The following MID2 variants were observed in gnomAD, a reference collection of about 807,000 sequenced individuals.
MID2 encodes the protein midline 2.
A neutral mutation model predicts 46.1 loss-of-function variants in MID2; 13 were observed. The ratio of observed to expected loss-of-function variants is 0.28; its 90% confidence interval spans 0.18 to 0.45. MID2 has a LOEUF of 0.45. MID2 is among the 20% of genes least tolerant of loss of function. The probability of loss-of-function intolerance (pLI) is 1.00; values close to 1 mark genes in which losing one functional copy is unlikely to be tolerated. For synonymous variants in MID2, 199 were observed against 212.3 expected, an observed-to-expected ratio of 0.94 and a Z score of 0.55; for missense variants, 431 against 575.4, an observed-to-expected ratio of 0.75 and a Z score of 2.57.
intron 2 of MID2, among the ~76,000 whole-genome samples, chrX:107,849,227 A>G (rs1242718485): frequency 8.9e-6 from 1 of 112,035 alleles, no homozygotes; most frequent in Non-Finnish European, 1.9e-5. Context: ...TTTCAATAGA[A>G]CTAATACAGA....
intron 3 of MID2, among the ~76,000 whole-genome samples, chrX:107,889,932 C>T (rs1293410269): frequency 1.8e-5 from 2 of 112,130 alleles, no homozygotes; most frequent in South Asian, 3.7e-4. Context: ...CTTGTGCATT[C>T]ATCACATAGT....
At chrX:107,859,871 A>G (rs1283735369) in intron 3 of MID2, among the ~76,000 whole-genome samples, 1 of 112,127 alleles carries the variant, frequency 8.9e-6, no homozygotes, top group African/African-American at 3.2e-5. Context: ...AAGACATGAG[A>G]TTGCAAGAGG....
intron 3 of MID2, among the ~76,000 whole-genome samples, chrX:107,858,709 G>C (rs1480985974): frequency 8.9e-6 from 1 of 112,444 alleles, no homozygotes. Context: ...AATGAATGTA[G>C]TATAGCCCTT....
intron 3 of MID2, among the ~76,000 whole-genome samples, chrX:107,876,573 T>C (rs1421981383): frequency 9.0e-6 from 1 of 111,047 alleles, no homozygotes; most frequent in Non-Finnish European, 1.9e-5. Context: ...CATCTCAATA[T>C]TGGGATCCTA....
In MID2 at chrX:107,897,356, T is replaced by C. The variant is rs1269353532; in HGVS notation, c.817-6602T>C. Among the ~76,000 whole-genome samples, 2 of 111,382 alleles carry C rather than the reference T, an allele frequency of 1.8e-5. 1 individual carries two copies. Among genetic ancestry groups the C allele is most frequent in the Admixed American group, 1.9e-4 (2 of 10,430 alleles). Reference sequence around the variant, plus strand: ...TAGATTCCTTAACTATGTCTCAGTATTTTTTTTGCTTGCTAAACTGTAGTT... The same window carrying C: ...TAGATTCCTTAACTATGTCTCAGTACTTTTTTTGCTTGCTAAACTGTAGTT... On this transcript the variant is annotated intron_variant, in intron 3 of 9. Coordinates refer to ENST00000262843, the MANE Select transcript of MID2 (RefSeq NM_012216.4).
intron 4 of MID2, among the ~76,000 whole-genome samples, chrX:107,904,444 A>G (rs1932819581): frequency 9.0e-6 from 1 of 111,728 alleles, no homozygotes; most frequent in African/African-American, 3.3e-5. Context: ...CTTAATCTGA[A>G]AAGTGTTGGG....
intron 5 of MID2, among the ~76,000 whole-genome samples, chrX:107,907,709 G>A (rs982022278): frequency 8.1e-5 from 9 of 111,182 alleles, no homozygotes; most frequent in Admixed American, 7.6e-4. Context: ...AGCAAACTTC[G>A]CGAAAGACTT....
chrX:107,910,989 G>C (rs966703751), intron 5 of MID2, among the ~76,000 whole-genome samples: 1 of 102,381 alleles, frequency 9.8e-6, no homozygotes, highest in African/African-American at 3.6e-5. Flanking sequence ...TGGTAGCTGG[G>C]ACTACAGGCT....
chrX:107,842,041 A>G (rs1162602261), intron 2 of MID2, among the ~76,000 whole-genome samples: 3 of 112,936 alleles, frequency 2.7e-5, no homozygotes, highest in Admixed American at 9.3e-5. Context: ...AAACTTCAGT[A>G]TACCACGAAA....
chrX:107,914,714 A>G (rs1932941668), intron 5 of MID2, among the ~76,000 whole-genome samples: 1 of 112,455 alleles, frequency 8.9e-6, no homozygotes, highest in Non-Finnish European at 1.9e-5. Flanking sequence ...GGACTAAAAC[A>G]TGTATATTTT....
chrX:107,897,187 C>T (rs1008707428), intron 3 of MID2, among the ~76,000 whole-genome samples: 9 of 111,482 alleles, frequency 8.1e-5, no homozygotes, highest in Admixed American at 2.9e-4. Context: ...CAATTCACTA[C>T]GATAGTTATA....
intron 3 of MID2, among the ~76,000 whole-genome samples, chrX:107,889,264 A>G (rs1484108557): frequency 1.8e-5 from 2 of 111,206 alleles, no homozygotes; most frequent in African/African-American, 6.5e-5. Flanking sequence ...GGTACCGGTT[A>G]TTCCTTTCCA....
At chrX:107,901,614 T>A (rs185640820) in intron 3 of MID2, among the ~76,000 whole-genome samples, 4 of 111,702 alleles carry the variant, frequency 3.6e-5, no homozygotes, top group Admixed American at 2.9e-4. Flanking sequence ...GACACAATTC[T>A]TGCCCTCCAG....
At chrX:107,850,426 A>G (rs113615841) in intron 2 of MID2, among the ~76,000 whole-genome samples, 5,114 of 111,702 alleles carry the variant, frequency 0.046, 311 homozygotes, top group African/African-American at 0.16. Flanking sequence ...ATAAATTCCA[A>G]TTTGAGAGGA....
chrX:107,833,107 A>T (rs1292699618), intron 1 of MID2, among the ~76,000 whole-genome samples: 1 of 111,687 alleles, frequency 9.0e-6, no homozygotes, highest in Non-Finnish European at 1.9e-5. Context: ...ATCACTTGTT[A>T]GCCTTCCTAG....
At chrX:107,881,361 GA>G (rs1932313309) in intron 3 of MID2, among the ~76,000 whole-genome samples, 2 of 112,380 alleles carry the variant, frequency 1.8e-5, no homozygotes, top group Admixed American at 1.9e-4. Context: ...AGAGGTCACA[GA>G]AATCAGAAGC....
chrX:107,844,736 T>C (rs1179432222), intron 2 of MID2, among the ~76,000 whole-genome samples: 9 of 85,295 alleles, frequency 1.1e-4, no homozygotes, highest in Admixed American at 9.8e-4. Context: ...CCAGTGAGCC[T>C]CCTGTCTGCA....
At chrX:107,887,950 T>C (rs932256964) in intron 3 of MID2, among the ~76,000 whole-genome samples, 5 of 112,065 alleles carry the variant, frequency 4.5e-5, no homozygotes, top group African/African-American at 1.6e-4. Context: ...AGTCTGTATT[T>C]CTGTGGGATC....
chrX:107,889,290 T>G (rs930351813), intron 3 of MID2, among the ~76,000 whole-genome samples: 3 of 111,925 alleles, frequency 2.7e-5, no homozygotes, highest in Non-Finnish European at 3.8e-5. Context: ...AGTGCTTCCT[T>G]CAGGAGCTCT....
Sources: allele counts gnomAD v4.1 joint callset (sites outside exome capture counted in the v4.1 genomes callset), GRCh38; gene constraint gnomAD v4.1.1; transcripts MANE v1.5; gene names NCBI Gene and HGNC (gene_info 2026-07-23, HGNC 2026-07-21).